Variants in SVIL observed in about 807,000 individuals in gnomAD.
The protein encoded by SVIL is supervillin.
SVIL carries 101 observed loss-of-function variants against 240.4 expected under a neutral mutation model. The ratio of observed to expected loss-of-function variants is 0.42; its 90% CI spans 0.36 to 0.50. The LOEUF is 0.50. Among genes scored for constraint, SVIL ranks in the 20% least tolerant of loss-of-function variants. The pLI is 0.01. For missense variants in SVIL, 2,512 were observed against 2,818.7 expected, an observed-to-expected ratio of 0.89 and a Z score of 2.46; for synonymous variants, 999 against 1,100.0, an observed-to-expected ratio of 0.91 and a Z score of 1.82.
chr10:29,624,355 T>G (rs954611786), intron 1 of SVIL, among the ~76,000 whole-genome samples: 4 of 152,006 alleles, frequency 2.6e-5, no homozygotes, highest in Non-Finnish European at 5.9e-5. Flanking sequence ...CTGGCCAACA[T>G]GGCGAAACCC....
intron 3 of SVIL, among the ~76,000 whole-genome samples, chr10:29,562,236 T>C (rs1038282069): frequency 3.3e-5 from 5 of 152,204 alleles, no homozygotes; most frequent in African/African-American, 1.2e-4. Context: ...TCATTCCTTG[T>C]GCTAGTGTTA....
chr10:29,611,369 T>C (rs1379338868), intron 1 of SVIL, among the ~76,000 whole-genome samples: 2 of 151,854 alleles, frequency 1.3e-5, no homozygotes, highest in East Asian at 3.9e-4. Context: ...TGGCCACAGC[T>C]CTAGCCTGTC....
intron 2 of SVIL, among the ~76,000 whole-genome samples, chr10:29,662,867 C>T (rs1382147565): frequency 2.0e-5 from 3 of 152,154 alleles, no homozygotes; most frequent in Admixed American, 6.5e-5. Flanking sequence ...TCCCAGCACT[C>T]TGGGAGCCCA....
intron 16 of SVIL, among the ~76,000 whole-genome samples, chr10:29,517,742 GCCA>G (rs944332901): frequency 3.9e-5 from 6 of 152,192 alleles, no homozygotes; most frequent in Non-Finnish European, 8.8e-5. Context: ...GTCCTTACAT[GCCA>G]CCAATTTGCC....
chr10:29,467,704 CA>C lies in SVIL; in HGVS notation c.5977+37del, dbSNP rs373715319. ...CAAGACTCTTGTTTCCAAAAACAAA[CA>C]AAAAAACCAGATCGCAGACTGTGGA... On this transcript the variant is annotated intron_variant, in intron 33 of 37. Coordinates refer to ENST00000355867, the MANE Select transcript of SVIL (RefSeq NM_021738.3). The C allele has an allele frequency of 3.3e-3, 5,381 of 1,612,036 alleles. 192 individuals carry two copies. The South Asian group carries it at 0.053, about 16-fold the overall frequency.
chr10:29,651,802 C>T (rs1958846181), intron 3 of SVIL, among the ~76,000 whole-genome samples: 1 of 152,076 alleles, frequency 6.6e-6, no homozygotes, highest in African/African-American at 2.4e-5. Flanking sequence ...CACAATAGAA[C>T]TCTTGATTCT....
intron 32 of SVIL, among the ~76,000 whole-genome samples, chr10:29,469,730 G>C (rs1216227670): frequency 6.6e-6 from 1 of 152,218 alleles, no homozygotes; most frequent in African/African-American, 2.4e-5. Flanking sequence ...GCAGGTGCCT[G>C]CCTGGGAGGG....
At chr10:29,638,416 A>G (rs1335774286), upstream of SVIL, among the ~76,000 whole-genome samples, 3 of 152,012 alleles carry the variant, frequency 2.0e-5, no homozygotes, top group South Asian at 2.1e-4. Context: ...CAGTGAGCTG[A>G]GATCATGCCA....
chr10:29,604,949 T>G (rs1048987016), intron 1 of SVIL, among the ~76,000 whole-genome samples: 1 of 152,212 alleles, frequency 6.6e-6, no homozygotes, highest in African/African-American at 2.4e-5. Flanking sequence ...TTAGGTTCTA[T>G]CTGCGATTTC....
chr10:29,477,012 G>A (rs979180539), intron 29 of SVIL, among the ~76,000 whole-genome samples: 2 of 151,968 alleles, frequency 1.3e-5, no homozygotes, highest in South Asian at 2.1e-4. Context: ...ATAGGTGCCC[G>A]CCACTATGCC....
intron 2 of SVIL, among the ~76,000 whole-genome samples, chr10:29,676,428 A>C (rs985490926): frequency 2.0e-5 from 3 of 152,164 alleles, no homozygotes; most frequent in African/African-American, 2.4e-5. Flanking sequence ...TTGAGAGCAA[A>C]GACTAACTTA....
At chr10:29,730,560 A>T (rs1365549309) in intron 1 of SVIL, among the ~76,000 whole-genome samples, 1 of 152,210 alleles carries the variant, frequency 6.6e-6, no homozygotes, top group African/African-American at 2.4e-5. Context: ...AACCAAGTGA[A>T]AACTGAAAGA....
At chr10:29,503,902 A>C (rs1949079080) in intron 17 of SVIL, among the ~76,000 whole-genome samples, 1 of 152,198 alleles carries the variant, frequency 6.6e-6, no homozygotes, top group Non-Finnish European at 1.5e-5. Flanking sequence ...ACAACACTGA[A>C]GGGGAAGAAA....
In SVIL at chr10:29,480,548, A is replaced by G; in HGVS notation, c.5366T>C (p.Val1789Ala). The G allele has an allele frequency of 1.2e-6, 2 of 1,612,720 alleles. No homozygotes were observed. Among genetic ancestry groups the G allele is most frequent in the Non-Finnish European group, 1.7e-6 (2 of 1,179,656 alleles). ...AAGCGCTCACTAACCTGCCGTGCTC[A>G]CCATGAACTTCCACTTGACCACATA... ...DAYVVKWKFMVSTAVGSRQKG... is the reference protein window; with the variant it reads ...DAYVVKWKFMASTAVGSRQKG... The change falls in exon 29 of 38, where the codon GTG (valine) becomes GCG (alanine). Residue 1789 changes from valine to alanine, a missense_variant. Physicochemically the swap from Val to Ala is moderately conservative, Grantham distance 64. This residue lies in a region of SVIL where 797 missense variants were observed against 925.3 expected (regional missense o/e 0.86). Transcript: ENST00000355867.
At chr10:29,669,469 C>A (rs916752629) in intron 2 of SVIL, among the ~76,000 whole-genome samples, 3 of 152,144 alleles carry the variant, frequency 2.0e-5, no homozygotes, top group African/African-American at 4.8e-5. Flanking sequence ...TTTCTAGAAG[C>A]CCCAGTTGGA....
chr10:29,481,136 GT>G (rs1244373979), intron 28 of SVIL, among the ~76,000 whole-genome samples: 2 of 139,382 alleles, frequency 1.4e-5, no homozygotes, highest in African/African-American at 5.3e-5. Context: ...CTTTAAGGGT[GT>G]GTGTGTGTGT....
intron 7 of SVIL, among the ~76,000 whole-genome samples, chr10:29,534,045 T>C (rs1589147187): frequency 6.6e-6 from 1 of 152,254 alleles, no homozygotes; most frequent in African/African-American, 2.4e-5. Flanking sequence ...ATGCAGAGTA[T>C]ATTCATTCAT....
chr10:29,721,813 T>A (rs1963998406), intron 1 of SVIL, among the ~76,000 whole-genome samples: 1 of 152,226 alleles, frequency 6.6e-6, no homozygotes, highest in Admixed American at 6.5e-5. Flanking sequence ...AAGCAGTCCA[T>A]ATCCATGTTG....
At chr10:29,556,825 C>G (rs1243624301) in intron 3 of SVIL, among the ~76,000 whole-genome samples, 1 of 152,120 alleles carries the variant, frequency 6.6e-6, no homozygotes, top group Non-Finnish European at 1.5e-5. Flanking sequence ...ACTTTAATGG[C>G]TGGTAGGACA....
Sources: allele counts gnomAD v4.1 joint callset (sites outside exome capture counted in the v4.1 genomes callset), GRCh38; gene constraint gnomAD v4.1.1; regional missense constraint gnomAD v4.1.1; transcripts MANE v1.5; gene names NCBI Gene and HGNC (gene_info 2026-07-23, HGNC 2026-07-21).